The following PGC variants were observed in gnomAD, a reference collection of about 807,000 sequenced individuals.
PGC encodes progastricsin.
PGC carries 31 observed loss-of-function variants against 45.9 expected under a neutral mutation model. That is an observed-to-expected ratio of 0.67 (90% confidence interval 0.51 to 0.91). PGC has a LOEUF of 0.91. Ranked by LOEUF, PGC falls within the 40% of genes least tolerant of loss-of-function variation. The probability of loss-of-function intolerance (pLI) is 0.00; values close to 1 mark genes in which losing one functional copy is unlikely to be tolerated. For missense variants in PGC, 477 were observed against 493.2 expected (o/e 0.97, Z 0.31); for synonymous variants, 192 against 201.8 (o/e 0.95, Z 0.41).
At chr6:41,742,063 A>G (rs1771835379) in intron 5 of PGC, among the ~76,000 whole-genome samples, 1 of 152,158 alleles carries the variant, frequency 6.6e-6, no homozygotes, top group Non-Finnish European at 1.5e-5. Flanking sequence ...GAATGCAAAG[A>G]CAAGTCGGAG....
rs1266419938 is a variant in PGC, at chr6:41,744,672, T to C, written c.196A>G (p.Met66Val). Residue 66 changes from methionine to valine, a missense_variant, in exon 2 of 9, where the codon ATG becomes GTG. Transcript: ENST00000373025. The surrounding 1 kb of genome is among the most constrained non-coding windows in gnomAD (Gnocchi z 4.4). ...FGDLSVTYEPMAYMDAAYFGE... is the reference protein window; with the variant it reads ...FGDLSVTYEPVAYMDAAYFGE... ...TCAGGACTCACATCCATGTAGGCCA[T>C]GGGCTCGTAGGTCACGCTGAGGTCA... The C allele has an allele frequency of 1.9e-6, 3 of 1,614,110 alleles. No individual in the cohort carries two copies. The highest frequency in any genetic ancestry group is 1.1e-5 in the South Asian group (1 of 91,068).
intron 5 of PGC, chr6:41,741,964 G>A: frequency 2.6e-6 from 2 of 774,702 alleles, no homozygotes; most frequent in East Asian, 2.7e-5. Context: ...CCACCAGGAA[G>A]CCTGTCCAAG....
chr6:41,740,383 G>A, intron 6 of PGC, 108 bp downstream of exon 6: 2 of 1,380,650 alleles, frequency 1.4e-6, no homozygotes, highest in Non-Finnish European at 1.9e-6. Flanking sequence ...AGCCTCAGGG[G>A]TCCTCTGCCC....
chr6:41,743,261 GC>G lies in PGC; in HGVS notation c.447+9del, dbSNP rs1370335769. 1 of 1,522,608 alleles carries G rather than the reference GC, an allele frequency of 6.6e-7. No individual in the cohort carries two copies. Among genetic ancestry groups the G allele is most frequent in the African/African-American group, 1.4e-5 (1 of 73,156 alleles). The allele number at this position is 1,522,608 out of a possible 1,614,324, so 94.3% of individuals were successfully genotyped here. On this transcript the variant is annotated intron_variant, in intron 4 of 8. Coordinates refer to ENST00000373025, the MANE Select transcript of PGC (RefSeq NM_002630.4). ...CACAGCCCCAGCCTCCACTCCCCAT[GC>G]CCACTCACAGTCAGGGTGTCATAGC...
In PGC at chr6:41,743,310, A is replaced by T. The variant is rs761046583; in HGVS notation, c.408T>A (p.Ser136Arg). The T allele has an allele frequency of 1.2e-6, 2 of 1,613,844 alleles. No individual in the cohort carries two copies. The highest frequency in any genetic ancestry group is 2.2e-5 in the South Asian group (2 of 91,080). The change falls in exon 4 of 9, where the codon AGT becomes AGA. Residue 136 changes from serine to arginine, a missense_variant. Ser to Arg is a moderately radical substitution (Grantham distance 110). Transcript: ENST00000373025. ...NGQTFSLQYGSGSLTGFFGYD... is the reference protein window; with the variant it reads ...NGQTFSLQYGRGSLTGFFGYD... Reference sequence around the variant, plus strand: ...AGCCAAAGAAGCCGGTGAGGCTGCCACTGCCATACTGCAGGGAGAAGGTCT... The same window carrying T: ...AGCCAAAGAAGCCGGTGAGGCTGCCTCTGCCATACTGCAGGGAGAAGGTCT...
At position 41,744,443 on chromosome 6, in the gene PGC, G is replaced by A; in HGVS notation, c.282C>T (p.Ser94=). 6.2e-7 allele frequency: 1 copy of A among 1,613,478 alleles called. No homozygotes were observed. Among genetic ancestry groups the A allele is most frequent in the African/African-American group, 1.3e-5 (1 of 75,026 alleles). Residue 94 remains serine, a synonymous_variant, in exon 3 of 9, where the codon TCC becomes TCT. Transcript: ENST00000373025. This position sits in a 1 kb window ranked among gnomAD's most constrained non-coding sequence, Gnocchi z 4.4. ...AGACAGAGGGCACCCACAAGTTGGA[G>A]GAGCCGGTGTCAAAAAGGACCAGGA... The part of the protein sequence containing the change: ...QNFLVLFDTG[S]SNLWVPSVYC...
At position 41,745,709 on chromosome 6, in the gene PGC, C is replaced by T. The variant is rs533465368; in HGVS notation, c.60-901G>A. On this transcript the variant is annotated intron_variant, in intron 1 of 8. Transcript: ENST00000373025. ...GGATTACAGGCAAGGGCCACCATGC[C>T]CAGCTAATTTTGTATTTTTAGTAGA... Among the ~76,000 whole-genome samples the T allele has an allele frequency of 2.2e-4, 34 of 151,678 alleles. 1 individual carries two copies. Among genetic ancestry groups the T allele is most frequent in the African/African-American group, 7.3e-4 (30 of 41,366 alleles).
chr6:41,738,782 C>T (rs150869154), intron 7 of PGC, among the ~76,000 whole-genome samples: 1 of 151,634 alleles, frequency 6.6e-6, no homozygotes, highest in South Asian at 2.1e-4. Context: ...TATGGTGAAA[C>T]CTCATCTCTA....
intron 1 of PGC, among the ~76,000 whole-genome samples, chr6:41,746,119 G>A (rs1375968217): frequency 5.9e-5 from 9 of 151,876 alleles, no homozygotes; most frequent in Admixed American, 2.0e-4. Context: ...CCGAGATCGC[G>A]CCATTGCACT....
chr6:41,738,241 T>TATATACATATATATAC (rs1771751669), intron 7 of PGC, among the ~76,000 whole-genome samples: 1 of 21,782 alleles, frequency 4.6e-5, no homozygotes, highest in African/African-American at 1.4e-4. Context: ...TATATATGTA[T>TATATACATATATATAC]ATATATATGC....
At chr6:41,746,435 A>G (rs1441423348) in intron 1 of PGC, among the ~76,000 whole-genome samples, 1 of 152,214 alleles carries the variant, frequency 6.6e-6, no homozygotes, top group Non-Finnish European at 1.5e-5. Flanking sequence ...GTTGGAACTT[A>G]TAAATCACCG....
At chr6:41,741,540 G>C (rs1771823842) in intron 5 of PGC, among the ~76,000 whole-genome samples, 1 of 152,206 alleles carries the variant, frequency 6.6e-6, no homozygotes, top group South Asian at 2.1e-4. Flanking sequence ...CAGCTACTTG[G>C]GAGGCTGAGG....
chr6:41,742,638 T>A, intron 4 of PGC, 149 bp from the exon 5 acceptor site: 1 of 668,000 alleles, frequency 1.5e-6, no homozygotes, highest in Non-Finnish European at 2.7e-6. Context: ...GTTTGTTTGC[T>A]TGTTTGAGAC....
rs375232340 is a variant in PGC at position 41,742,390 on chromosome 6, C to T, written c.547G>A (p.Ala183Thr). The change falls in exon 5 of 9, where the codon GCC (alanine) becomes ACC (threonine). Residue 183 changes from alanine (A) to threonine (T), a missense_variant. Coordinates refer to ENST00000373025, the MANE Select transcript of PGC (RefSeq NM_002630.4). ...YAQFDGIMGL[A>T]YPALSVDEAT... ...TCATCCACGGACAGAGCAGGGTAGG[C>T]CAGGCCCATGATGCCATCAAACTGC... The T allele has an allele frequency of 5.1e-5, 83 of 1,614,018 alleles. No individual in the cohort carries two copies. The highest frequency in any genetic ancestry group is 6.3e-5 in the Non-Finnish European group (74 of 1,180,010).
rs1471917665 is a variant in PGC, at chr6:41,736,759, A to G, written c.*93T>C. 5 of 1,283,516 alleles carry G rather than the reference A, an allele frequency of 3.9e-6. No individual in the cohort carries two copies. Among genetic ancestry groups the G allele is most frequent in the African/African-American group, 1.5e-5 (1 of 68,578 alleles). The allele number at this position is 1,283,516 out of a possible 1,614,324, so 79.5% of individuals were successfully genotyped here. A position where few individuals can be genotyped will look rare whatever the true frequency, so the allele number is the denominator to read the frequency against. On this transcript the variant is annotated 3_prime_UTR_variant, in exon 9 of 9. Coordinates refer to ENST00000373025, the MANE Select transcript of PGC (RefSeq NM_002630.4). ...GAGAAAGTCCAGAGTCCAGAAAAAGAAGGCTGAATCCAGAGTGGAAAGACA... is the reference window on the plus strand; with the variant it reads ...GAGAAAGTCCAGAGTCCAGAAAAAGGAGGCTGAATCCAGAGTGGAAAGACA...
rs1304964600 is a variant in PGC at position 41,743,348 on chromosome 6, A to T, written c.370T>A (p.Ser124Thr). Residue 124 changes from serine to threonine, a missense_variant, in exon 4 of 9, where the codon TCC becomes ACC. By Grantham distance (58) the Ser-to-Thr change is moderately conservative (BLOSUM62 1). Coordinates refer to ENST00000373025, the MANE Select transcript of PGC (RefSeq NM_002630.4). ...AGGGAGAAGGTCTGCCCATTGGTGG[A>T]GTAGGTGGACGACTCGCTGGGGTTG... is the stretch of plus-strand genomic sequence containing the variant. Reference protein sequence around the residue: ...RFNPSESSTYSTNGQTFSLQY... With the variant: ...RFNPSESSTYTTNGQTFSLQY... The T allele has an allele frequency of 6.2e-7, 1 of 1,613,940 alleles. No homozygotes were observed. Among genetic ancestry groups the T allele is most frequent in the African/African-American group, 1.3e-5 (1 of 74,920 alleles).
In PGC at chr6:41,744,351, T is replaced by C. The variant is rs1388319200; in HGVS notation, c.328+46A>G. ...TTTGGCCCTCCCCAGAGGGTATCAGTGCCTTGCCCTGCCAACCACCCCTCT... is the reference window on the plus strand; with the variant it reads ...TTTGGCCCTCCCCAGAGGGTATCAGCGCCTTGCCCTGCCAACCACCCCTCT... On this transcript the variant is annotated intron_variant, in intron 3 of 8. Coordinates refer to ENST00000373025, the MANE Select transcript of PGC (RefSeq NM_002630.4). The surrounding 1 kb of genome is among the most constrained non-coding windows in gnomAD (Gnocchi z 4.4). 2.2e-6 allele frequency: 3 copies of C among 1,384,814 alleles called. No homozygotes were observed. The highest frequency in any genetic ancestry group is 1.8e-5 in the Admixed American group (1 of 55,714). 85.8% of individuals were successfully genotyped at this position (1,384,814 alleles called of 1,614,324 possible). A position where few individuals can be genotyped will look rare whatever the true frequency, so the allele number is the denominator to read the frequency against.
At chr6:41,737,115 G>C in intron 8 of PGC, 111 bp from the exon 9 acceptor site, 2 of 1,116,134 alleles carry the variant, frequency 1.8e-6, no homozygotes, top group East Asian at 5.1e-5. Flanking sequence ...GGGAGCCAGG[G>C]TCTCTGCCTT....
Position 41,737,923 on chromosome 6 carries a change from C to T in PGC, c.916-95G>A, listed in dbSNP as rs1003557879. The T allele has an allele frequency of 8.8e-5, 64 of 727,932 alleles. No individual in the cohort carries two copies. In the East Asian group the frequency reaches 1.4e-3, roughly 16 times the overall value. The allele number at this position is 727,932 out of a possible 1,614,324, so 45.1% of individuals were successfully genotyped here. ...GCCCCTGGATCCCAGGCCTGAGCTC[C>T]GGGCCCAAGCCCTAAGCCTGTTTTT... On this transcript the variant is annotated intron_variant, in intron 7 of 8. Coordinates refer to ENST00000373025, the MANE Select transcript of PGC (RefSeq NM_002630.4).
Sources: allele counts gnomAD v4.1 joint callset (sites outside exome capture counted in the v4.1 genomes callset), GRCh38; gene constraint gnomAD v4.1.1; non-coding constraint Gnocchi (gnomAD v3.1); transcripts MANE v1.5; gene names NCBI Gene and HGNC (gene_info 2026-07-23, HGNC 2026-07-21).